The following CAST variants were observed in gnomAD, a reference collection of about 807,000 sequenced individuals.
CAST encodes the protein calpastatin, also known as MIR583 host.
In CAST, 76 loss-of-function variants were observed where a neutral mutation model predicts 119.6. The observed-to-expected ratio is 0.64, with a 90% CI of 0.53 to 0.77. CAST has a LOEUF of 0.77. Among genes scored for constraint, CAST ranks in the 30% least tolerant of loss-of-function variants. CAST has a pLI of 0.00. For synonymous variants in CAST, 319 were observed against 331.6 expected (o/e 0.96, Z 0.41); for missense variants, 953 against 946.5 (o/e 1.01, Z -0.09).
intron 15 of CAST, 39 bp from the exon 16 acceptor site, chr5:96,742,616 A>G: frequency 1.6e-6 from 2 of 1,231,768 alleles, no homozygotes; most frequent in Non-Finnish European, 2.4e-6. Context: ...GGCTCCAGAG[A>G]TGTCTTTTTT....
At chr5:96,654,253 C>G (rs1203966286) in intron 1 of CAST, among the ~76,000 whole-genome samples, 1 of 152,050 alleles carries the variant, frequency 6.6e-6, no homozygotes, top group Non-Finnish European at 1.5e-5. Flanking sequence ...TCTCAAACTC[C>G]TGACCTTTTG....
the CAST span, among the ~76,000 whole-genome samples, chr5:96,502,688 T>G: frequency 6.6e-6 from 1 of 151,042 alleles, no homozygotes; most frequent in African/African-American, 2.4e-5. Context: ...AACATTGACC[T>G]CTATCTGCTT....
chr5:96,109,350 T>A, the CAST span, among the ~76,000 whole-genome samples: 1 of 152,232 alleles, frequency 6.6e-6, no homozygotes, highest in Non-Finnish European at 1.5e-5. Flanking sequence ...TAATAAAGAA[T>A]AAATGTAATC....
the CAST span, among the ~76,000 whole-genome samples, chr5:96,192,262 G>GTAT: frequency 1.3e-5 from 2 of 152,128 alleles, no homozygotes; most frequent in East Asian, 3.8e-4. Context: ...GAGAATGATG[G>GTAT]TATCATGTTA....
chr5:96,729,623 A>C lies in CAST; in HGVS notation c.447A>C (p.Leu149=). The C allele has an allele frequency of 1.3e-6, 2 of 1,548,230 alleles. No homozygotes were observed. The highest frequency in any genetic ancestry group is 2.2e-5 in the East Asian group (1 of 44,546). ...GTGTGTACTTTCAGCCAAAAAGCCT[A>C]CCCAAGCAGGCATCAGATACAGGAA... is the stretch of plus-strand genomic sequence containing the variant. ...KPKEHTEPKS[L]PKQASDTGSN... The change falls in exon 8 of 32, where the codon CTA becomes CTC. Residue 149 remains leucine (L), a synonymous_variant. Transcript: ENST00000675179.
At chr5:96,405,146 A>G in the CAST span, among the ~76,000 whole-genome samples, 4 of 152,298 alleles carry the variant, frequency 2.6e-5, no homozygotes, top group South Asian at 8.3e-4. Context: ...AATAACCTCT[A>G]TGTACCTTGG....
chr5:96,149,694 A>G, the CAST span, among the ~76,000 whole-genome samples: 1 of 152,192 alleles, frequency 6.6e-6, no homozygotes, highest in Non-Finnish European at 1.5e-5. Context: ...AAAATGCTCT[A>G]AGAGAATGTG....
the CAST span, among the ~76,000 whole-genome samples, chr5:95,993,797 T>C: frequency 2.0e-5 from 3 of 151,966 alleles, no homozygotes; most frequent in Admixed American, 6.6e-5. Context: ...GAAAACAACT[T>C]TGGGCAGAGG....
chr5:96,643,103 A>G (rs1285192340), intron 1 of CAST, among the ~76,000 whole-genome samples: 4 of 152,182 alleles, frequency 2.6e-5, no homozygotes, highest in Admixed American at 2.6e-4. Flanking sequence ...ATTTTGCTAC[A>G]TACAAAACAA....
chr5:96,668,763 G>C (rs917536897), intron 1 of CAST, among the ~76,000 whole-genome samples: 13 of 151,600 alleles, frequency 8.6e-5, no homozygotes, highest in African/African-American at 3.2e-4. Flanking sequence ...ATGACTCTGA[G>C]TATTTAAAAC....
the CAST span, among the ~76,000 whole-genome samples, chr5:96,260,425 G>A: frequency 6.6e-6 from 1 of 152,086 alleles, no homozygotes; most frequent in Non-Finnish European, 1.5e-5. Flanking sequence ...CTGTCCTTTA[G>A]CTTCAGAGTG....
chr5:96,270,467 C>G, the CAST span, among the ~76,000 whole-genome samples: 1 of 152,080 alleles, frequency 6.6e-6, no homozygotes, highest in Non-Finnish European at 1.5e-5. Flanking sequence ...TGTTTGCAGA[C>G]AACATGATGT....
the CAST span, among the ~76,000 whole-genome samples, chr5:96,245,393 T>C: frequency 6.6e-6 from 1 of 152,080 alleles, no homozygotes; most frequent in Admixed American, 6.5e-5. Context: ...GCAACCACTT[T>C]ATCTTTAACT....
the CAST span, among the ~76,000 whole-genome samples, chr5:96,028,291 AACT>A: frequency 3.9e-5 from 6 of 152,092 alleles, no homozygotes; most frequent in African/African-American, 9.7e-5. Context: ...GTAAATATCA[AACT>A]AGTACATGGG....
intron 1 of CAST, among the ~76,000 whole-genome samples, chr5:96,534,689 A>AGTAG (rs1745750195): frequency 1.2e-5 from 1 of 83,526 alleles, no homozygotes; most frequent in Non-Finnish European, 2.3e-5. Flanking sequence ...AGAGAGAGAG[A>AGTAG]GGAAGGAAGG....
chr5:95,998,852 A>G, the CAST span, among the ~76,000 whole-genome samples: 49 of 152,216 alleles, frequency 3.2e-4, no homozygotes, highest in Middle Eastern at 3.4e-3. Context: ...GGTTATACTA[A>G]TTTACATTCC....
At chr5:96,054,409 A>G in the CAST span, among the ~76,000 whole-genome samples, 2 of 151,932 alleles carry the variant, frequency 1.3e-5, no homozygotes, top group Non-Finnish European at 2.9e-5. Flanking sequence ...GCAAACCACC[A>G]TGCCTGGCTT....
intron 2 of CAST, among the ~76,000 whole-genome samples, chr5:96,682,711 C>T (rs892010119): frequency 5.9e-5 from 9 of 152,106 alleles, no homozygotes; most frequent in Admixed American, 4.6e-4. Context: ...CATCTATGTC[C>T]CTGCTAACTA....
At chr5:96,310,674 G>A in the CAST span, among the ~76,000 whole-genome samples, 1 of 151,130 alleles carries the variant, frequency 6.6e-6, no homozygotes, top group South Asian at 2.1e-4. Flanking sequence ...GGTTGTATGT[G>A]TCTAGGAATT....
Sources: gnomAD v4.1 joint callset for allele counts (sites outside exome capture counted in the v4.1 genomes callset) on GRCh38, gnomAD v4.1.1 for gene constraint, MANE v1.5 for transcripts, NCBI Gene and HGNC (gene_info 2026-07-23, HGNC 2026-07-21) for gene names.